Variants in APBA2 observed in about 807,000 individuals in gnomAD.
The protein encoded by APBA2 is amyloid beta precursor protein binding family A member 2.
Under a neutral mutation model 75.0 loss-of-function variants are expected in APBA2, and 30 were observed. The observed-to-expected ratio is 0.40, with a 90% CI of 0.30 to 0.54. The LOEUF (loss-of-function observed/expected upper bound fraction) is 0.54. APBA2 is among the 20% of genes least tolerant of loss of function. APBA2 has a pLI of 0.49. For synonymous variants in APBA2, 444 were observed against 409.6 expected (o/e 1.08, Z -1.01); for missense variants, 801 against 1,016.1 (o/e 0.79, Z 2.88).
In APBA2 at chr15:28,942,002, G is replaced by C. The variant is rs200092548; in HGVS notation, c.-95+20253G>C. ...TCTCGATCTCCTGATCTCGTGATCCGCCCGCCTCAGCCTCCTAAAGTGCTG... is the reference window on the plus strand; with the variant it reads ...TCTCGATCTCCTGATCTCGTGATCCCCCCGCCTCAGCCTCCTAAAGTGCTG... On this transcript the variant is annotated intron_variant, in intron 2 of 14. Transcript: ENST00000683413. Among the ~76,000 whole-genome samples the C allele has an allele frequency of 3.3e-4, 51 of 152,262 alleles. 3 individuals are homozygous for C. In the East Asian group the frequency reaches 8.7e-3, roughly 26 times the overall value.
At chr15:29,039,421 T>A (rs1195483627) in intron 3 of APBA2, among the ~76,000 whole-genome samples, 2 of 152,104 alleles carry the variant, frequency 1.3e-5, no homozygotes, top group Non-Finnish European at 2.9e-5. Context: ...CTGTGAATCC[T>A]AAGATATGAT....
At chr15:29,035,242 G>A (rs936717995) in intron 3 of APBA2, among the ~76,000 whole-genome samples, 1 of 152,228 alleles carries the variant, frequency 6.6e-6, no homozygotes, top group Admixed American at 6.5e-5. Context: ...AGGAGTAAGG[G>A]CTTGCTACCG....
In APBA2 at chr15:29,113,929, C is replaced by T. The variant is rs766720596; in HGVS notation, c.2091C>T (p.Gly697=). 9.9e-6 allele frequency: 16 copies of T among 1,613,398 alleles called. No homozygotes were observed. The highest frequency in any genetic ancestry group is 1.7e-5 in the Admixed American group (1 of 60,018). Residue 697 remains glycine (G), a synonymous_variant, in exon 14 of 15, where the codon GGC becomes GGT. Transcript: ENST00000683413. ...CTGAGCGAGGGGGCGTCCGTGTGGGCCACCGCATCATCGAGATCAACGGGC... is the reference window on the plus strand; with the variant it reads ...CTGAGCGAGGGGGCGTCCGTGTGGGTCACCGCATCATCGAGATCAACGGGC... The part of the protein sequence containing the change: ...GIAERGGVRV[G]HRIIEINGQS...
At chr15:29,004,315 G>A (rs902280743) in intron 3 of APBA2, among the ~76,000 whole-genome samples, 7 of 152,202 alleles carry the variant, frequency 4.6e-5, no homozygotes, top group Non-Finnish European at 1.0e-4. Flanking sequence ...CCCTTCCTGT[G>A]ACAGAGGGCT....
chr15:28,953,881 A>T (rs2036024423), intron 2 of APBA2, among the ~76,000 whole-genome samples: 1 of 152,168 alleles, frequency 6.6e-6, no homozygotes, highest in Admixed American at 6.5e-5. Flanking sequence ...GACTTGTGGC[A>T]CAAGGAGCTC....
At chr15:28,984,548 C>G (rs185390578) in intron 2 of APBA2, among the ~76,000 whole-genome samples, 3 of 151,996 alleles carry the variant, frequency 2.0e-5, no homozygotes, top group Non-Finnish European at 2.9e-5. Flanking sequence ...TTCCTGGTCC[C>G]GTTTCCAACT....
At chr15:28,956,015 C>T (rs1237874094) in intron 2 of APBA2, among the ~76,000 whole-genome samples, 4 of 152,208 alleles carry the variant, frequency 2.6e-5, no homozygotes, top group East Asian at 1.9e-4. Flanking sequence ...TGCATGTTAA[C>T]GAGACTGGGG....
chr15:28,895,279 T>C (rs1470269232), intron 1 of APBA2, among the ~76,000 whole-genome samples: 1 of 152,172 alleles, frequency 6.6e-6, no homozygotes, highest in African/African-American at 2.4e-5. Context: ...CTCCGGTGGC[T>C]GGCCTCAGCC....
intron 3 of APBA2, among the ~76,000 whole-genome samples, chr15:29,017,875 G>T (rs1205212793): frequency 1.3e-5 from 2 of 152,138 alleles, no homozygotes; most frequent in African/African-American, 4.8e-5. Context: ...TTGTTATTTT[G>T]TTTCTTTTTT....
At chr15:29,093,460 G>T (rs1401245059) in intron 7 of APBA2, among the ~76,000 whole-genome samples, 1 of 152,214 alleles carries the variant, frequency 6.6e-6, no homozygotes, top group African/African-American at 2.4e-5. Flanking sequence ...CCAGAAATAC[G>T]ACCTTTAAAG....
intron 2 of APBA2, among the ~76,000 whole-genome samples, chr15:28,938,993 C>T (rs1048275885): frequency 9.2e-5 from 14 of 152,178 alleles, no homozygotes; most frequent in South Asian, 2.1e-4. Flanking sequence ...TTAAATTGTG[C>T]GCATGAAACA....
At chr15:28,943,578 G>T (rs2035358707) in intron 2 of APBA2, among the ~76,000 whole-genome samples, 2 of 152,084 alleles carry the variant, frequency 1.3e-5, no homozygotes, top group South Asian at 4.1e-4. Flanking sequence ...GGTGAGAGTT[G>T]TGAGTTGCAG....
chr15:28,989,040 A>G (rs1410649042), intron 2 of APBA2, among the ~76,000 whole-genome samples: 2 of 152,206 alleles, frequency 1.3e-5, no homozygotes, highest in Admixed American at 6.5e-5. Flanking sequence ...CCTGCGTGCC[A>G]GTGAGGCTAA....
chr15:28,926,949 CG>C (rs796075080), intron 2 of APBA2, among the ~76,000 whole-genome samples: 10 of 151,642 alleles, frequency 6.6e-5, no homozygotes, highest in African/African-American at 2.4e-4. Flanking sequence ...CTCTGCCTCC[CG>C]GGTTCATGCC....
At chr15:29,089,886 C>T (rs953551654) in intron 6 of APBA2, among the ~76,000 whole-genome samples, 15 of 152,188 alleles carry the variant, frequency 9.9e-5, no homozygotes, top group African/African-American at 2.9e-4. Flanking sequence ...CTGGTGGTCT[C>T]AGCTTAGGGT....
At chr15:28,949,426 G>A (rs1566831906) in intron 2 of APBA2, among the ~76,000 whole-genome samples, 1 of 152,092 alleles carries the variant, frequency 6.6e-6, no homozygotes, top group Non-Finnish European at 1.5e-5. Context: ...TACGCATCAC[G>A]GAGGAGAGGT....
intron 2 of APBA2, among the ~76,000 whole-genome samples, chr15:28,925,897 A>T (rs11073257): frequency 6.6e-6 from 1 of 152,012 alleles, no homozygotes; most frequent in Non-Finnish European, 1.5e-5. Context: ...ACATCCTCTT[A>T]AAAATTGATT....
intron 2 of APBA2, among the ~76,000 whole-genome samples, chr15:28,965,232 C>T (rs68119047): frequency 0.26 from 38,874 of 151,906 alleles, 7,888 homozygotes; most frequent in East Asian, 0.54. Flanking sequence ...AAAAGGCTGT[C>T]CCTCCTTCAT....
chr15:28,983,736 A>G (rs1005337845), intron 2 of APBA2, among the ~76,000 whole-genome samples: 1 of 152,068 alleles, frequency 6.6e-6, no homozygotes, highest in East Asian at 1.9e-4. Context: ...CCTTTCCCCC[A>G]CTGGGTGGAG....
Sources: allele counts gnomAD v4.1 joint callset (sites outside exome capture counted in the v4.1 genomes callset), GRCh38; gene constraint gnomAD v4.1.1; transcripts MANE v1.5; gene names NCBI Gene and HGNC (gene_info 2026-07-23, HGNC 2026-07-21).